The following SLC25A26 variants were observed in gnomAD, a reference collection of about 807,000 sequenced individuals.
SLC25A26 encodes the protein solute carrier family 25 member 26, also known as mitochondrial S-adenosylmethionine carrier protein.
SLC25A26 carries 36 observed loss-of-function variants against 37.8 expected under a neutral mutation model. That is an observed-to-expected ratio of 0.95 (90% CI 0.73 to 1.26). SLC25A26 has a LOEUF of 1.26. Ranked by LOEUF, SLC25A26 falls within the 50% of genes most tolerant of loss-of-function variation. The pLI is 0.00. For synonymous variants in SLC25A26, 129 were observed against 122.5 expected, an observed-to-expected ratio of 1.05 and a Z score of -0.35; for missense variants, 390 against 331.1, an observed-to-expected ratio of 1.18 and a Z score of -1.38.
chr3:66,247,429 T>G (rs2072901719), intron 3 of SLC25A26, among the ~76,000 whole-genome samples: 1 of 152,114 alleles, frequency 6.6e-6, no homozygotes, highest in African/African-American at 2.4e-5. Context: ...CACTTTAGCC[T>G]CCTGAGTAGC....
intron 9 of SLC25A26, among the ~76,000 whole-genome samples, chr3:66,376,881 C>T (rs144054128): frequency 4.6e-5 from 7 of 152,268 alleles, no homozygotes; most frequent in Non-Finnish European, 7.4e-5. Flanking sequence ...AATCATAGTC[C>T]TTGGACTTAG....
chr3:66,307,339 T>C (rs2075254822), intron 5 of SLC25A26, among the ~76,000 whole-genome samples: 1 of 152,246 alleles, frequency 6.6e-6, no homozygotes, highest in African/African-American at 2.4e-5. Context: ...TTTGCCCACT[T>C]TCTGATGGGG....
At position 66,221,035 on chromosome 3, in the gene SLC25A26, G is replaced by T; in HGVS notation, c.-60G>T. Reference sequence around the variant, plus strand: ...TCAAACATGGCGGCGCCCAGCGCGCGAGGACGTGATCCGCTTCTGCTCCGG... The same window carrying T: ...TCAAACATGGCGGCGCCCAGCGCGCTAGGACGTGATCCGCTTCTGCTCCGG... On this transcript the variant is annotated 5_prime_UTR_variant, in exon 1 of 10. Coordinates refer to ENST00000354883, the MANE Select transcript of SLC25A26 (RefSeq NM_001379210.1). The T allele has an allele frequency of 9.2e-6, 14 of 1,525,888 alleles. No homozygotes were observed. The highest frequency in any genetic ancestry group is 4.9e-5 in the East Asian group (2 of 40,602). The allele number at this position is 1,525,888 out of a possible 1,614,324, so 94.5% of individuals were successfully genotyped here. A position where few individuals can be genotyped will look rare whatever the true frequency, so the allele number is the denominator to read the frequency against.
chr3:66,319,731 A>G (rs373250532), intron 5 of SLC25A26, among the ~76,000 whole-genome samples: 34 of 149,452 alleles, frequency 2.3e-4, no homozygotes, highest in African/African-American at 8.1e-4. Context: ...AAGTACTGTG[A>G]CAGCAATTAA....
At chr3:66,162,344 C>CT (rs562402223) in intron 1 of SLC25A26, among the ~76,000 whole-genome samples, 1,959 of 47,322 alleles carry the variant, frequency 0.041, 70 homozygotes, top group African/African-American at 0.12. Flanking sequence ...ATTTTTTTTT[C>CT]TTTTTTTTTT....
At chr3:66,354,351 G>A (rs983112855) in intron 6 of SLC25A26, among the ~76,000 whole-genome samples, 3 of 152,108 alleles carry the variant, frequency 2.0e-5, no homozygotes, top group African/African-American at 7.2e-5. Context: ...GTTTGGTTTT[G>A]TAAGACAGCA....
At chr3:66,158,494 A>T (rs2070314145) in intron 1 of SLC25A26, among the ~76,000 whole-genome samples, 2 of 152,194 alleles carry the variant, frequency 1.3e-5, no homozygotes, top group Non-Finnish European at 2.9e-5. Context: ...TGGGTCATAC[A>T]TTAACTCTAT....
chr3:66,257,706 T>C (rs2073359493), intron 3 of SLC25A26, among the ~76,000 whole-genome samples: 1 of 152,230 alleles, frequency 6.6e-6, no homozygotes, highest in Admixed American at 6.5e-5. Flanking sequence ...AAATATTGAC[T>C]GTGTTAAAAC....
Position 66,347,787 on chromosome 3 carries a change from T to C in SLC25A26, c.498+1379T>C, listed in dbSNP as rs142220279. On this transcript the variant is annotated intron_variant, in intron 6 of 9. Transcript: ENST00000354883. The stretch of plus-strand genomic sequence containing the variant: ...GGTACATACACACCACGGAATACTA[T>C]GCAGCCATAAAAAGGAAATGAGATT... Among the ~76,000 whole-genome samples the C allele has an allele frequency of 2.4e-4, 36 of 152,278 alleles. No individual in the cohort carries two copies. In the East Asian group the frequency reaches 6.8e-3, roughly 29 times the overall value.
At chr3:66,187,400 C>T (rs967049814) in intron 1 of SLC25A26, among the ~76,000 whole-genome samples, 1 of 152,066 alleles carries the variant, frequency 6.6e-6, no homozygotes, top group Non-Finnish European at 1.5e-5. Flanking sequence ...TGACTTGCAC[C>T]TAACTCTCAT....
chr3:66,208,615 G>A, intron 1 of SLC25A26, among the ~76,000 whole-genome samples: 1 of 130,832 alleles, frequency 7.6e-6, no homozygotes, highest in African/African-American at 2.8e-5. Context: ...CTCAAAAAAA[G>A]TATATAGATA....
At chr3:66,236,144 T>G (rs2072267462) in intron 1 of SLC25A26, among the ~76,000 whole-genome samples, 1 of 149,334 alleles carries the variant, frequency 6.7e-6, no homozygotes, top group Non-Finnish European at 1.5e-5. Context: ...ACTCCTGGCC[T>G]CAAGTGATCC....
chr3:66,362,934 A>G lies in SLC25A26; in HGVS notation c.568+5A>G. ...CAGTCTGTGGAGCTTTTGCAGGTGC[A>G]AAGGATTATATTATACTGGGAAAGA... On this transcript the variant is annotated splice_donor_5th_base_variant and intron_variant, in intron 7 of 9. Transcript: ENST00000354883. The G allele has an allele frequency of 6.3e-7, 1 of 1,591,722 alleles. No homozygotes were observed.
At chr3:66,172,410 GAA>G (rs1199322248) in intron 1 of SLC25A26, among the ~76,000 whole-genome samples, 1,202 of 75,206 alleles carry the variant, frequency 0.016, 15 homozygotes, top group African/African-American at 0.045. Flanking sequence ...TACCTGTAAA[GAA>G]AAAAAAAAAA....
intron 5 of SLC25A26, among the ~76,000 whole-genome samples, chr3:66,318,353 G>A (rs559133434): frequency 6.6e-6 from 1 of 152,256 alleles, no homozygotes; most frequent in South Asian, 2.1e-4. Context: ...AGAATCTGTG[G>A]GAAAAGCATG....
chr3:66,207,722 A>G (rs1487937711), intron 1 of SLC25A26, among the ~76,000 whole-genome samples: 4 of 152,378 alleles, frequency 2.6e-5, no homozygotes, highest in East Asian at 1.9e-4. Context: ...AGATAGGCAC[A>G]CAGTATATAT....
chr3:66,141,485 T>G (rs888378462), intron 1 of SLC25A26, among the ~76,000 whole-genome samples: 1 of 151,554 alleles, frequency 6.6e-6, no homozygotes, highest in Non-Finnish European at 1.5e-5. Flanking sequence ...TGTGTCATCT[T>G]GATGAAAGCA....
At chr3:66,176,402 G>A (rs1054712486) in intron 1 of SLC25A26, among the ~76,000 whole-genome samples, 6 of 152,152 alleles carry the variant, frequency 3.9e-5, no homozygotes, top group Admixed American at 2.6e-4. Context: ...TGTGGATGGT[G>A]GCATCCTTTA....
chr3:66,262,529 C>T (rs576648283), intron 4 of SLC25A26, among the ~76,000 whole-genome samples: 22 of 152,278 alleles, frequency 1.4e-4, no homozygotes, highest in African/African-American at 4.3e-4. Context: ...TGACCAATGT[C>T]ATAACGTTTA....
Sources: allele counts gnomAD v4.1 joint callset (sites outside exome capture counted in the v4.1 genomes callset), GRCh38; gene constraint gnomAD v4.1.1; transcripts MANE v1.5; gene names NCBI Gene and HGNC (gene_info 2026-07-23, HGNC 2026-07-21).